Variants in CLIC6 observed in about 807,000 individuals in gnomAD.
CLIC6 encodes CLIC family member 6, also known as chloride intracellular channel protein 6.
CLIC6 carries 39 observed loss-of-function variants against 49.2 expected under a neutral mutation model. That is an observed-to-expected ratio of 0.79 (90% CI 0.61 to 1.04). The LOEUF (loss-of-function observed/expected upper bound fraction) is 1.04. Among genes scored for constraint, CLIC6 ranks in the 50% least tolerant of loss-of-function variants. The probability of loss-of-function intolerance (pLI) is 0.00; values close to 1 mark genes in which losing one functional copy is unlikely to be tolerated. For synonymous variants in CLIC6, 446 were observed against 433.4 expected (o/e 1.03, Z -0.36); for missense variants, 988 against 993.1 (o/e 0.99, Z 0.07).
Position 34,703,499 on chromosome 21 carries a change from G to A in CLIC6, c.1375-3781G>A, listed in dbSNP as rs552465722. Among the ~76,000 whole-genome samples, 802 of 152,268 alleles carry A rather than the reference G, an allele frequency of 5.3e-3. 4 individuals are homozygous for A. The highest frequency in any genetic ancestry group is 7.9e-3 in the Non-Finnish European group (536 of 68,006). On this transcript the variant is annotated intron_variant, in intron 1 of 5. Coordinates refer to ENST00000349499, the MANE Select transcript of CLIC6 (RefSeq NM_053277.3). ...GAAGGCAGTGGTGGGGCAGAGAGCT[G>A]TCTAGTGGGAGGTGGCTGTGTGGGT...
chr21:34,708,489 C>G (rs777942321), intron 3 of CLIC6, among the ~76,000 whole-genome samples: 2 of 152,112 alleles, frequency 1.3e-5, no homozygotes, highest in Non-Finnish European at 2.9e-5. Flanking sequence ...CTGGCCACTG[C>G]CAGGAAACAG....
Position 34,709,388 on chromosome 21 carries a change from G to A in CLIC6, c.1749G>A (p.Arg583=), listed in dbSNP as rs267606118. 8 of 1,614,084 alleles carry A rather than the reference G, an allele frequency of 5.0e-6. No individual in the cohort carries two copies. In the African/African-American group the frequency reaches 6.7e-5, roughly 13 times the overall value. ...AAAAGAACCTGCTGAAGGCCCTGAG[G>A]AAGCTGGATAATTACTTAAATAGCC... ...IHEKNLLKAL[R]KLDNYLNSPL... The change falls in exon 5 of 6, where the codon AGG becomes AGA. Residue 583 remains arginine (R), a synonymous_variant. Coordinates refer to ENST00000349499, the MANE Select transcript of CLIC6 (RefSeq NM_053277.3).
chr21:34,707,165 C>A, intron 1 of CLIC6, 115 bp from the exon 2 acceptor site: 1 of 811,238 alleles, frequency 1.2e-6, no homozygotes, highest in Non-Finnish European at 2.1e-6. Flanking sequence ...GGAGGATATT[C>A]GCAGCATCCT....
chr21:34,692,289 G>A (rs983308942), intron 1 of CLIC6, among the ~76,000 whole-genome samples: 7 of 152,202 alleles, frequency 4.6e-5, no homozygotes, highest in Non-Finnish European at 7.3e-5. Context: ...ACTGGAGCTG[G>A]TGCCCCCTTT....
At chr21:34,704,124 G>A (rs893451095) in intron 1 of CLIC6, among the ~76,000 whole-genome samples, 1 of 152,176 alleles carries the variant, frequency 6.6e-6, no homozygotes, top group African/African-American at 2.4e-5. Context: ...GGCTGTGTAT[G>A]ATAAAATGTC....
intron 1 of CLIC6, among the ~76,000 whole-genome samples, chr21:34,671,373 CATA>C (rs1403796772): frequency 6.6e-6 from 1 of 152,116 alleles, no homozygotes. Context: ...GCCTTATTGA[CATA>C]ATGTTTTTTG....
chr21:34,669,794 G>T lies in CLIC6; in HGVS notation c.406G>T (p.Glu136Ter). The change falls in exon 1 of 6, where the codon GAG becomes TAG. Residue 136 changes from glutamate to a stop codon, truncating the protein, a stop_gained. Coordinates refer to ENST00000349499, the MANE Select transcript of CLIC6 (RefSeq NM_053277.3). LOFTEE classifies it high-confidence loss of function. ...GGAGCCCGAGGACTCTGCGGCCCCC[G>T]AGAGGCAGGAGGAGGCGGAGCAGAG... ...QREPEDSAAPERQEEAEQRPE... is the reference protein window; with the variant it reads ...QREPEDSAAP 7.0e-7 allele frequency: 1 copy of T among 1,423,540 alleles called. No individual in the cohort carries two copies. The allele number at this position is 1,423,540 out of a possible 1,614,324, so 88.2% of individuals were successfully genotyped here. A position where few individuals can be genotyped will look rare whatever the true frequency, so the allele number is the denominator to read the frequency against.
At chr21:34,701,266 C>T (rs979332841) in intron 1 of CLIC6, among the ~76,000 whole-genome samples, 13 of 129,530 alleles carry the variant, frequency 1.0e-4, no homozygotes, top group Non-Finnish European at 2.0e-4. Context: ...TGCGCCACTG[C>T]AGTCCGCAGT....
At chr21:34,708,557 C>G in intron 3 of CLIC6, 143 bp from the exon 4 acceptor site, 2 of 648,608 alleles carry the variant, frequency 3.1e-6, no homozygotes, top group South Asian at 3.9e-5. Flanking sequence ...ACTTCCCAAC[C>G]TTTGAGAGGA....
chr21:34,683,033 G>A (rs535300407), intron 1 of CLIC6, among the ~76,000 whole-genome samples: 303 of 151,632 alleles, frequency 2.0e-3, no homozygotes, highest in African/African-American at 6.9e-3. Context: ...AGATGGTCTC[G>A]ATCTCCTGAC....
In CLIC6 at chr21:34,716,568, C is replaced by A; in HGVS notation, c.*86C>A. On this transcript the variant is annotated 3_prime_UTR_variant, in exon 6 of 6. Coordinates refer to ENST00000349499, the MANE Select transcript of CLIC6 (RefSeq NM_053277.3). Reference sequence around the variant, plus strand: ...TTTGAAAACAAATTAGGTTTGGGTTCAATTCCTTCAATTTTTAAAAAACTG... The same window carrying A: ...TTTGAAAACAAATTAGGTTTGGGTTAAATTCCTTCAATTTTTAAAAAACTG... The A allele has an allele frequency of 9.3e-7, 1 of 1,071,056 alleles. No homozygotes were observed. Among genetic ancestry groups the A allele is most frequent in the Non-Finnish European group, 1.3e-6 (1 of 782,328 alleles). The allele number at this position is 1,071,056 out of a possible 1,614,324, so 66.3% of individuals were successfully genotyped here. A position where few individuals can be genotyped will look rare whatever the true frequency, so the allele number is the denominator to read the frequency against.
At chr21:34,700,877 C>T (rs1990176308) in intron 1 of CLIC6, among the ~76,000 whole-genome samples, 1 of 139,830 alleles carries the variant, frequency 7.2e-6, no homozygotes, top group African/African-American at 2.8e-5. Context: ...CAGGTGAGCC[C>T]TTCTCTGGAC....
At chr21:34,680,749 GT>G (rs2145800675) in intron 1 of CLIC6, among the ~76,000 whole-genome samples, 1 of 152,268 alleles carries the variant, frequency 6.6e-6, no homozygotes, top group African/African-American at 2.4e-5. Context: ...CTCCCAATAA[GT>G]TCCCCATCCC....
chr21:34,687,245 G>A (rs764560425), intron 1 of CLIC6, among the ~76,000 whole-genome samples: 8 of 152,126 alleles, frequency 5.3e-5, no homozygotes, highest in Non-Finnish European at 1.5e-5. Flanking sequence ...TTTGGTGCCT[G>A]CATTTTTTCC....
At chr21:34,700,364 G>A (rs1484719543) in intron 1 of CLIC6, among the ~76,000 whole-genome samples, 1 of 134,084 alleles carries the variant, frequency 7.5e-6, no homozygotes, top group African/African-American at 3.1e-5. Flanking sequence ...GGAGAATGGC[G>A]TGAACCCGGG....
chr21:34,670,367 G>T lies in CLIC6; in HGVS notation c.979G>T (p.Ala327Ser), dbSNP rs148914738. 680 of 1,453,372 alleles carry T rather than the reference G, an allele frequency of 4.7e-4. 1 individual carries two copies. In the African/African-American group the frequency reaches 8.5e-3, roughly 18 times the overall value. 90.0% of individuals were successfully genotyped at this position (1,453,372 alleles called of 1,614,324 possible). The change falls in exon 1 of 6, where the codon GCC becomes TCC. Residue 327 changes from alanine to serine, a missense_variant. Physicochemically the swap from Ala to Ser is moderately conservative, Grantham distance 99. Transcript: ENST00000349499. ...TGCGGGGCGCAGCCCCGGTGAGCTCGCCTGGGACGCAGCGGAGGAGGCGGA... is the reference window on the plus strand; with the variant it reads ...TGCGGGGCGCAGCCCCGGTGAGCTCTCCTGGGACGCAGCGGAGGAGGCGGA... ...ESAGRSPGEL[A>S]WDAAEEAEVP...
At chr21:34,688,216 C>T (rs1028135173) in intron 1 of CLIC6, among the ~76,000 whole-genome samples, 3 of 152,150 alleles carry the variant, frequency 2.0e-5, no homozygotes, top group Non-Finnish European at 2.9e-5. Context: ...GATGTGAAAA[C>T]GAGGGGACAC....
chr21:34,695,131 G>T lies in CLIC6; in HGVS notation c.1375-12149G>T, dbSNP rs1990067773. Among the ~76,000 whole-genome samples, 3 of 152,138 alleles carry T rather than the reference G, an allele frequency of 2.0e-5. No homozygotes were observed. In the South Asian group the frequency reaches 6.2e-4, roughly 32 times the overall value. ...TGAACTAAAATCAAGGCACTAGCAGGGCTGCATTTCTTTCTGGAGGCTCTA... is the reference window on the plus strand; with the variant it reads ...TGAACTAAAATCAAGGCACTAGCAGTGCTGCATTTCTTTCTGGAGGCTCTA... On this transcript the variant is annotated intron_variant, in intron 1 of 5. Coordinates refer to ENST00000349499, the MANE Select transcript of CLIC6 (RefSeq NM_053277.3).
intron 1 of CLIC6, among the ~76,000 whole-genome samples, chr21:34,677,365 T>C (rs1157763740): frequency 2.0e-5 from 3 of 152,208 alleles, no homozygotes; most frequent in Non-Finnish European, 4.4e-5. Context: ...AAAGAATACT[T>C]TTGCCCCAGC....
Sources: allele counts gnomAD v4.1 joint callset (sites outside exome capture counted in the v4.1 genomes callset), GRCh38; gene constraint gnomAD v4.1.1; transcripts MANE v1.5; gene names NCBI Gene and HGNC (gene_info 2026-07-23, HGNC 2026-07-21).